The following PHKA2 variants were observed in gnomAD, a reference collection of about 807,000 sequenced individuals.
PHKA2 encodes the protein phosphorylase kinase regulatory subunit alpha 2.
PHKA2 carries 31 observed loss-of-function variants against 102.0 expected under a neutral mutation model. That is an observed-to-expected ratio of 0.30 (90% CI 0.23 to 0.41). The LOEUF (loss-of-function observed/expected upper bound fraction) is 0.41. PHKA2 is among the 10% of genes least tolerant of loss of function. PHKA2 has a pLI of 1.00. For missense variants in PHKA2, 858 were observed against 1,023.1 expected (o/e 0.84, Z 2.20); for synonymous variants, 455 against 416.2 (o/e 1.09, Z -1.13).
chrX:18,932,167 TA>T (rs1485514833), intron 11 of PHKA2, among the ~76,000 whole-genome samples: 1 of 112,159 alleles, frequency 8.9e-6, no homozygotes, highest in African/African-American at 3.2e-5. Flanking sequence ...ACTGTGCGCC[TA>T]ATGCAAGAGA....
chrX:18,911,475 A>AC (rs1488896132), intron 19 of PHKA2, among the ~76,000 whole-genome samples: 3 of 110,462 alleles, frequency 2.7e-5, no homozygotes, highest in African/African-American at 9.9e-5. Flanking sequence ...GCCCAGCCTA[A>AC]TTTTTATATT....
At chrX:18,954,471 C>T in intron 1 of PHKA2, 59 bp from the exon 2 acceptor site, 1 of 1,117,413 alleles carries the variant, frequency 8.9e-7, no homozygotes, top group Non-Finnish European at 1.2e-6. Flanking sequence ...CCCTGGGTAA[C>T]AGATGCTTGT....
At chrX:18,931,410 G>C (rs371054140) in intron 12 of PHKA2, among the ~76,000 whole-genome samples, 1 of 111,976 alleles carries the variant, frequency 8.9e-6, no homozygotes, top group Non-Finnish European at 1.9e-5. Context: ...ATGCTGGCAG[G>C]GGGTGATGGG....
intron 12 of PHKA2, 27 bp from the exon 13 acceptor site, chrX:18,929,333 T>C (rs765603923): frequency 6.2e-6 from 6 of 975,067 alleles, no homozygotes; most frequent in Middle Eastern, 2.6e-4. Flanking sequence ...ATTAACACTA[T>C]GAAATATTGA....
intron 22 of PHKA2, 133 bp downstream of exon 22, chrX:18,907,757 AGGAGAGAAGG>A (rs968721097): frequency 3.3e-6 from 2 of 598,280 alleles, no homozygotes; most frequent in Non-Finnish European, 5.6e-6. Flanking sequence ...GCAGGCAGGC[AGGAGAGAAGG>A]GCCCGCTCCA....
At chrX:18,911,361 C>T (rs751709960) in intron 19 of PHKA2, among the ~76,000 whole-genome samples, 3 of 111,114 alleles carry the variant, frequency 2.7e-5, no homozygotes, top group South Asian at 3.8e-4. Context: ...TTAGTAGGGA[C>T]GGAATTTCGC....
chrX:18,924,800 C>A (rs886342370), intron 15 of PHKA2, among the ~76,000 whole-genome samples: 1 of 112,077 alleles, frequency 8.9e-6, no homozygotes, highest in African/African-American at 3.2e-5. Context: ...TTGCCCAACA[C>A]TGCTGTCTCT....
intron 12 of PHKA2, among the ~76,000 whole-genome samples, chrX:18,930,256 C>T (rs1211481841): frequency 8.9e-6 from 1 of 111,817 alleles, no homozygotes; most frequent in African/African-American, 3.3e-5. Context: ...ACGCTACCAC[C>T]ATCACCACTG....
At chrX:18,946,970 C>T (rs934508260) in intron 5 of PHKA2, among the ~76,000 whole-genome samples, 1 of 109,591 alleles carries the variant, frequency 9.1e-6, no homozygotes, top group African/African-American at 3.3e-5. Flanking sequence ...GGTGCGACAA[C>T]CAAAAATGTC....
chrX:18,974,022 G>A (rs745358880), intron 1 of PHKA2, among the ~76,000 whole-genome samples: 1 of 110,791 alleles, frequency 9.0e-6, no homozygotes, highest in South Asian at 3.8e-4. Context: ...CAATCAAAAG[G>A]GAACATGGTG....
chrX:18,900,360 T>TC (rs1046542754), intron 28 of PHKA2, among the ~76,000 whole-genome samples: 10 of 111,040 alleles, frequency 9.0e-5, no homozygotes, highest in Non-Finnish European at 1.7e-4. Context: ...TGACCGCATT[T>TC]CCCCCCCATT....
At chrX:18,894,102 A>T (rs2047484702) in intron 32 of PHKA2, 102 bp downstream of exon 32, 1 of 779,519 alleles carries the variant, frequency 1.3e-6, no homozygotes, top group African/African-American at 2.1e-5. Context: ...ATCATCTGTG[A>T]TGACATTTTC....
At position 18,899,088 on chromosome X, in the gene PHKA2, C is replaced by T. The variant is rs2047627502; in HGVS notation, c.3111+85G>A. 7.2e-6 allele frequency: 6 copies of T among 828,036 alleles called. No homozygotes were observed. The Admixed American group carries it at 1.3e-4, about 18-fold the overall frequency. 68.2% of individuals were successfully genotyped at this position (828,036 alleles called of 1,213,427 possible). The stretch of plus-strand genomic sequence containing the variant: ...AAAACACTTCAGCCCTGCTCGAATC[C>T]TCAGAAGTTGGGCATGAGGTGGGAG... On this transcript the variant is annotated intron_variant, in intron 29 of 32. Transcript: ENST00000379942.
chrX:18,962,900 G>A (rs1359023891), intron 1 of PHKA2, among the ~76,000 whole-genome samples: 1 of 112,022 alleles, frequency 8.9e-6, no homozygotes, highest in African/African-American at 3.2e-5. Context: ...ATAGCCAGAG[G>A]AGGGTGATTA....
rs748832152 is a variant in PHKA2, at chrX:18,929,558, G to T, written c.1246-252C>A. 6.2e-5 allele frequency among the ~76,000 whole-genome samples: 7 copies of T among 112,145 alleles called. No homozygotes were observed. In the South Asian group the frequency reaches 2.2e-3, roughly 36 times the overall value. On this transcript the variant is annotated intron_variant, in intron 12 of 32. Transcript: ENST00000379942. The stretch of plus-strand genomic sequence containing the variant: ...TGCCACCATCTTGTATGAGCAAAAA[G>T]AATGATAACCAATACTTTCTGAGCT...
chrX:18,904,086 G>A (rs1157790848), intron 26 of PHKA2, among the ~76,000 whole-genome samples: 1 of 111,753 alleles, frequency 8.9e-6, no homozygotes, highest in Non-Finnish European at 1.9e-5. Flanking sequence ...TGGGAGTGGA[G>A]GGCACTGTGC....
At chrX:18,927,354 CCTTT>C (rs1234448688) in intron 13 of PHKA2, among the ~76,000 whole-genome samples, 9 of 111,988 alleles carry the variant, frequency 8.0e-5, no homozygotes, top group Non-Finnish European at 1.3e-4. Flanking sequence ...GTACCGCTGG[CCTTT>C]CTGAGAAGGG....
chrX:18,950,972 C>G, intron 4 of PHKA2, 132 bp downstream of exon 4: 1 of 652,922 alleles, frequency 1.5e-6, no homozygotes, highest in Non-Finnish European at 2.5e-6. Flanking sequence ...GTATAAATGG[C>G]CTTGTCTGAG....
intron 16 of PHKA2, 86 bp from the exon 17 acceptor site, chrX:18,924,220 A>C: frequency 1.1e-6 from 1 of 921,853 alleles, no homozygotes; most frequent in Non-Finnish European, 1.6e-6. Flanking sequence ...ACACCATCTA[A>C]TTAAAATATT....
Sources: gnomAD v4.1 joint callset for allele counts (sites outside exome capture counted in the v4.1 genomes callset) on GRCh38, gnomAD v4.1.1 for gene constraint, MANE v1.5 for transcripts, NCBI Gene and HGNC (gene_info 2026-07-23, HGNC 2026-07-21) for gene names.